Variants in PIGN observed in about 807,000 individuals in gnomAD.
PIGN encodes phosphatidylinositol glycan anchor biosynthesis class N.
PIGN carries 117 observed loss-of-function variants against 125.4 expected under a neutral mutation model. The ratio of observed to expected loss-of-function variants is 0.93; its 90% CI spans 0.80 to 1.09. The LOEUF (loss-of-function observed/expected upper bound fraction) is 1.09, where lower values mean the gene tolerates loss of function less well. Ranked by LOEUF, PIGN falls within the 50% of genes least tolerant of loss-of-function variation. The pLI, the probability that PIGN is intolerant of heterozygous loss-of-function variation, is 0.00. For missense variants in PIGN, 1,075 were observed against 1,094.9 expected, an observed-to-expected ratio of 0.98 and a Z score of 0.26; for synonymous variants, 392 against 377.8, an observed-to-expected ratio of 1.04 and a Z score of -0.44.
At chr18:62,079,712 T>C (rs1460166277) in intron 28 of PIGN, among the ~76,000 whole-genome samples, 1 of 142,790 alleles carries the variant, frequency 7.0e-6, no homozygotes, top group Non-Finnish European at 1.5e-5. Flanking sequence ...ATGATAACTG[T>C]AGAAGAAAAA....
intron 14 of PIGN, among the ~76,000 whole-genome samples, chr18:62,122,741 AAT>A (rs1439663385): frequency 6.6e-6 from 1 of 152,190 alleles, no homozygotes; most frequent in African/African-American, 2.4e-5. Flanking sequence ...TTGTTCAGAG[AAT>A]ATGTTTTCTT....
At chr18:62,053,530 T>C (rs921965403) in intron 30 of PIGN, among the ~76,000 whole-genome samples, 1 of 152,150 alleles carries the variant, frequency 6.6e-6, no homozygotes. Flanking sequence ...AACATGACCG[T>C]GACCAAACCA....
intron 12 of PIGN, among the ~76,000 whole-genome samples, chr18:62,139,439 T>C (rs1233239328): frequency 1.3e-5 from 2 of 152,226 alleles, no homozygotes; most frequent in Non-Finnish European, 2.9e-5. Flanking sequence ...GAGTGTACTG[T>C]ACATAATAAG....
At chr18:62,105,744 A>G (rs1301160274) in intron 19 of PIGN, 110 bp from the exon 20 acceptor site, 3 of 549,618 alleles carry the variant, frequency 5.5e-6, no homozygotes, top group Non-Finnish European at 9.8e-6. Context: ...AAAGCCTTAC[A>G]GCTGTTTATT....
In PIGN at chr18:62,114,489, T is replaced by C. The variant is rs1164178441; in HGVS notation, c.1251+72A>G. The C allele has an allele frequency of 4.5e-6, 4 of 894,418 alleles. No homozygotes were observed. In the African/African-American group the frequency reaches 6.6e-5, roughly 15 times the overall value. 55.4% of individuals were successfully genotyped at this position (894,418 alleles called of 1,614,324 possible). ...AGAAAGCTCCCTGGCCTGCCTACTT[T>C]GCTCTATTTTTCTCCTCTCCATCCC... On this transcript the variant is annotated intron_variant, in intron 15 of 30. Coordinates refer to ENST00000640252, the MANE Select transcript of PIGN (RefSeq NM_176787.5).
chr18:62,164,983 C>A (rs2037080225), intron 1 of PIGN, among the ~76,000 whole-genome samples: 1 of 152,084 alleles, frequency 6.6e-6, no homozygotes. Context: ...CTTTTCCCCA[C>A]GAAAAGGCAT....
At chr18:62,047,091 G>C (rs1490856819) in intron 30 of PIGN, among the ~76,000 whole-genome samples, 2 of 152,274 alleles carry the variant, frequency 1.3e-5, no homozygotes, top group Non-Finnish European at 2.9e-5. Context: ...GGGGCAGCCA[G>C]AAAGACAGAA....
intron 1 of PIGN, among the ~76,000 whole-genome samples, chr18:62,165,985 A>G (rs918094384): frequency 1.3e-5 from 2 of 152,210 alleles, no homozygotes; most frequent in African/African-American, 4.8e-5. Flanking sequence ...AAAAATAAAA[A>G]TTGATGTAGG....
At chr18:62,019,970 A>G (rs944326313) in intron 23 of PIGN, among the ~76,000 whole-genome samples, 17 of 152,362 alleles carry the variant, frequency 1.1e-4, no homozygotes, top group African/African-American at 4.1e-4. Flanking sequence ...ACTCTGGATT[A>G]TGGAGACAGT....
At chr18:62,071,808 T>C (rs1352681033) in intron 30 of PIGN, among the ~76,000 whole-genome samples, 3 of 148,120 alleles carry the variant, frequency 2.0e-5, no homozygotes, top group Non-Finnish European at 4.5e-5. Context: ...CTGTTACCAG[T>C]ATCTACATTT....
At chr18:62,166,295 C>G (rs78091074) in intron 1 of PIGN, among the ~76,000 whole-genome samples, 6,289 of 152,222 alleles carry the variant, frequency 0.041, 435 homozygotes, top group African/African-American at 0.14. Flanking sequence ...ATCTTTCATG[C>G]CCCTTCTCAA....
chr18:62,183,540 G>A (rs1251819159), intron 1 of PIGN, among the ~76,000 whole-genome samples: 1 of 152,096 alleles, frequency 6.6e-6, no homozygotes, highest in Non-Finnish European at 1.5e-5. Flanking sequence ...ACTTCCTCAG[G>A]GACTATGCAG....
At chr18:62,166,684 AAAAT>A (rs2037145932) in intron 1 of PIGN, among the ~76,000 whole-genome samples, 1 of 152,254 alleles carries the variant, frequency 6.6e-6, no homozygotes, top group Non-Finnish European at 1.5e-5. Context: ...CTGGATAAAG[AAAAT>A]GTGGCATATA....
chr18:62,045,762 A>G lies in PIGN; in HGVS notation c.*94T>C, dbSNP rs1226521000. Reference sequence around the variant, plus strand: ...TTTCCTTACAGGAGTAGAATATACTATATATCCATATCCATCTTCTTATTG... The same window carrying G: ...TTTCCTTACAGGAGTAGAATATACTGTATATCCATATCCATCTTCTTATTG... On this transcript the variant is annotated 3_prime_UTR_variant, in exon 31 of 31. Transcript: ENST00000640252. 8.2e-6 allele frequency: 10 copies of G among 1,215,556 alleles called. No individual in the cohort carries two copies. The highest frequency in any genetic ancestry group is 1.2e-5 in the Non-Finnish European group (10 of 847,106). The allele number at this position is 1,215,556 out of a possible 1,614,324, so 75.3% of individuals were successfully genotyped here. A position where few individuals can be genotyped will look rare whatever the true frequency, so the allele number is the denominator to read the frequency against.
chr18:62,127,489 C>A (rs376050696), intron 14 of PIGN, among the ~76,000 whole-genome samples: 8 of 150,070 alleles, frequency 5.3e-5, no homozygotes, highest in African/African-American at 1.5e-4. Flanking sequence ...CCACTGCAGC[C>A]GAAGTATCTG....
intron 10 of PIGN, among the ~76,000 whole-genome samples, chr18:62,145,420 C>A (rs1192188068): frequency 6.6e-6 from 1 of 152,134 alleles, no homozygotes; most frequent in African/African-American, 2.4e-5. Flanking sequence ...TCACTGTGCT[C>A]TTCTGTCTTC....
intron 1 of PIGN, among the ~76,000 whole-genome samples, chr18:62,172,960 C>T (rs1056373586): frequency 6.6e-6 from 1 of 152,110 alleles, no homozygotes; most frequent in Non-Finnish European, 1.5e-5. Context: ...CCCAATGACA[C>T]CATACGAACA....
At chr18:62,037,639 C>T (rs545753183), downstream of PIGN, among the ~76,000 whole-genome samples, 15 of 152,332 alleles carry the variant, frequency 9.8e-5, no homozygotes, top group African/African-American at 3.6e-4. Flanking sequence ...TCTCCTCGGG[C>T]TTCTAAGAGC....
At chr18:62,107,769 T>C (rs2034709953) in intron 17 of PIGN, among the ~76,000 whole-genome samples, 1 of 152,106 alleles carries the variant, frequency 6.6e-6, no homozygotes, top group African/African-American at 2.4e-5. Flanking sequence ...TTTTTTAAAA[T>C]TCACCCAAGT....
Sources: allele counts gnomAD v4.1 joint callset (sites outside exome capture counted in the v4.1 genomes callset), GRCh38; gene constraint gnomAD v4.1.1; transcripts MANE v1.5; gene names NCBI Gene and HGNC (gene_info 2026-07-23, HGNC 2026-07-21).